The following HBS1L variants were observed in gnomAD, a reference collection of about 807,000 sequenced individuals.
HBS1L encodes the protein HBS1 like translational GTPase, also known as HBS1-like protein.
A neutral mutation model predicts 88.9 loss-of-function variants in HBS1L; 55 were observed. That is an observed-to-expected ratio of 0.62 (90% confidence interval 0.50 to 0.77). HBS1L has a LOEUF of 0.77. Among genes scored for constraint, HBS1L ranks in the 30% least tolerant of loss-of-function variants. HBS1L has a pLI of 0.00. For synonymous variants in HBS1L, 267 were observed against 288.5 expected, an observed-to-expected ratio of 0.93 and a Z score of 0.76; for missense variants, 741 against 829.3, an observed-to-expected ratio of 0.89 and a Z score of 1.31.
intron 4 of HBS1L, among the ~76,000 whole-genome samples, chr6:135,023,483 A>T (rs1236380346): frequency 6.6e-6 from 1 of 152,142 alleles, no homozygotes; most frequent in Non-Finnish European, 1.5e-5. Flanking sequence ...TATGATAATC[A>T]TCACCTGAGA....
At chr6:135,018,023 G>A (rs772671826) in intron 4 of HBS1L, among the ~76,000 whole-genome samples, 3 of 150,978 alleles carry the variant, frequency 2.0e-5, no homozygotes, top group Non-Finnish European at 4.4e-5. Flanking sequence ...TTCCAGGTAC[G>A]TACACTTTTG....
chr6:135,014,270 A>T (rs962083565), intron 4 of HBS1L, among the ~76,000 whole-genome samples: 1 of 152,196 alleles, frequency 6.6e-6, no homozygotes, highest in Non-Finnish European at 1.5e-5. Context: ...TCCATAAAGG[A>T]ACTCTGCTTC....
At position 134,964,181 on chromosome 6, in the gene HBS1L, T is replaced by C. The variant is rs1273638111; in HGVS notation, c.*1098A>G. The C allele has an allele frequency of 1.3e-5, 2 of 151,384 alleles. No homozygotes were observed. Among genetic ancestry groups the C allele is most frequent in the African/African-American group, 4.8e-5 (2 of 41,378 alleles). The allele number at this position is 151,384 out of a possible 1,614,324, so 9.4% of individuals were successfully genotyped here. On this transcript the variant is annotated 3_prime_UTR_variant, in exon 18 of 18. Transcript: ENST00000367837. ...TAAGCCATCGATATACAAATCACGCTGCTAATAAAAAAAAAAGCTTATCAT... is the reference window on the plus strand; with the variant it reads ...TAAGCCATCGATATACAAATCACGCCGCTAATAAAAAAAAAAGCTTATCAT...
At chr6:135,023,167 G>A (rs888212145) in intron 4 of HBS1L, among the ~76,000 whole-genome samples, 29 of 152,052 alleles carry the variant, frequency 1.9e-4, no homozygotes, top group Admixed American at 3.3e-4. Context: ...AAAAGTGGCC[G>A]GGCACACTGG....
At chr6:134,975,514 A>G (rs1774617467) in intron 15 of HBS1L, among the ~76,000 whole-genome samples, 1 of 152,218 alleles carries the variant, frequency 6.6e-6, no homozygotes, top group Admixed American at 6.5e-5. Context: ...ATTATACTAC[A>G]GGCTATAATA....
chr6:134,971,398 G>A (rs144923286), intron 15 of HBS1L, among the ~76,000 whole-genome samples: 1 of 152,220 alleles, frequency 6.6e-6, no homozygotes, highest in African/African-American at 2.4e-5. Flanking sequence ...GATTCACTTC[G>A]CTTAGCCAAG....
At chr6:135,032,871 T>C (rs1776427535) in intron 4 of HBS1L, among the ~76,000 whole-genome samples, 1 of 151,712 alleles carries the variant, frequency 6.6e-6, no homozygotes. Context: ...AAGACAAGTT[T>C]AAGAAAGACA....
rs563941997 is a variant in HBS1L at position 135,047,799 on chromosome 6, G to C, written c.109+2783C>G. On this transcript the variant is annotated intron_variant, in intron 2 of 17. Coordinates refer to ENST00000367837, the MANE Select transcript of HBS1L (RefSeq NM_006620.4). ...TATGCCATGCTCTCTAATGTGCTTA[G>C]AATGTGAGTGATGAGGATAGCACTA... Among the ~76,000 whole-genome samples, 68 of 152,282 alleles carry C rather than the reference G, an allele frequency of 4.5e-4. 1 individual carries two copies. The highest frequency in any genetic ancestry group is 1.5e-3 in the African/African-American group (63 of 41,546).
At chr6:135,034,305 G>GA (rs1307107657) in intron 4 of HBS1L, among the ~76,000 whole-genome samples, 1 of 152,082 alleles carries the variant, frequency 6.6e-6, no homozygotes, top group African/African-American at 2.4e-5. Context: ...AGCTGCCAGA[G>GA]AAAAAATATT....
rs1775212262 is a variant in HBS1L at position 134,993,788 on chromosome 6, GA to G, written c.1052del (p.Phe351SerfsTer5). ...TLMDAPGHKD[F>X]IPNMITGAAQ... is the part of the protein sequence containing the mutation. ...CTGCTCCTGTAATCATATTTGGAAT[GA>G]AGTCCTTATGGCCTGGAGCATCCAT... On this transcript the variant is annotated frameshift_variant, in exon 8 of 18. Coordinates refer to ENST00000367837, the MANE Select transcript of HBS1L (RefSeq NM_006620.4). LOFTEE classifies it high-confidence loss of function. The G allele has an allele frequency of 6.3e-7, 1 of 1,594,796 alleles. No homozygotes were observed. Among genetic ancestry groups the G allele is most frequent in the African/African-American group, 1.3e-5 (1 of 74,678 alleles).
At position 134,965,186 on chromosome 6, in the gene HBS1L, T is replaced by C. The variant is rs529827859; in HGVS notation, c.*93A>G. ...TCTCTCTCATCTAAAAACATATCAA[T>C]TGCACATTGTTCCTTTGACTTAATA... On this transcript the variant is annotated 3_prime_UTR_variant, in exon 18 of 18. Coordinates refer to ENST00000367837, the MANE Select transcript of HBS1L (RefSeq NM_006620.4). 1.5e-4 allele frequency: 151 copies of C among 1,002,224 alleles called. 3 individuals are homozygous for C. The South Asian group carries it at 1.9e-3, about 13-fold the overall frequency. 62.1% of individuals were successfully genotyped at this position (1,002,224 alleles called of 1,614,324 possible).
At chr6:135,001,920 A>T (rs1452048022) in intron 5 of HBS1L, among the ~76,000 whole-genome samples, 19 of 151,580 alleles carry the variant, frequency 1.3e-4, no homozygotes, top group Admixed American at 1.2e-3. Flanking sequence ...TTATATTTTT[A>T]AAAAAATATA....
intron 5 of HBS1L, among the ~76,000 whole-genome samples, chr6:134,998,602 G>T (rs1323234209): frequency 6.6e-6 from 1 of 152,150 alleles, no homozygotes; most frequent in African/African-American, 2.4e-5. Flanking sequence ...CATATAGAAA[G>T]CAATTTATAA....
intron 12 of HBS1L, among the ~76,000 whole-genome samples, chr6:134,984,051 C>T (rs1028526612): frequency 5.3e-5 from 8 of 152,136 alleles, no homozygotes; most frequent in African/African-American, 1.9e-4. Context: ...GAGGAACACA[C>T]TCAGGAGAGC....
intron 2 of HBS1L, among the ~76,000 whole-genome samples, chr6:135,044,453 T>A (rs1776847615): frequency 6.6e-6 from 1 of 152,132 alleles, no homozygotes; most frequent in African/African-American, 2.4e-5. Context: ...ACAACACTGG[T>A]ATAAGGTCAG....
intron 2 of HBS1L, among the ~76,000 whole-genome samples, chr6:135,048,254 C>T (rs547136107): frequency 6.6e-6 from 1 of 152,312 alleles, no homozygotes; most frequent in South Asian, 2.1e-4. Flanking sequence ...CAGTTTCTTC[C>T]AGTAACTGCA....
intron 7 of HBS1L, among the ~76,000 whole-genome samples, 191 bp from the exon 8 acceptor site, chr6:134,994,066 T>A (rs1775221451): frequency 6.6e-6 from 1 of 152,112 alleles, no homozygotes; most frequent in Non-Finnish European, 1.5e-5. Flanking sequence ...ATCCATATGG[T>A]TTTAACATAA....
intron 3 of HBS1L, among the ~76,000 whole-genome samples, chr6:135,040,527 T>C (rs1776702219): frequency 6.6e-6 from 1 of 151,906 alleles, no homozygotes; most frequent in Non-Finnish European, 1.5e-5. Context: ...GATTTTTCTA[T>C]TTTTAGTAGA....
At chr6:135,039,501 TCAAG>T (rs1320556326) in intron 4 of HBS1L, 68 bp downstream of exon 4, 18 of 1,227,420 alleles carry the variant, frequency 1.5e-5, no homozygotes, top group Admixed American at 4.6e-5. Context: ...TCTTAAAAGC[TCAAG>T]CAAACGAAAG....
Sources: gnomAD v4.1 joint callset for allele counts (sites outside exome capture counted in the v4.1 genomes callset) on GRCh38, gnomAD v4.1.1 for gene constraint, MANE v1.5 for transcripts, NCBI Gene and HGNC (gene_info 2026-07-23, HGNC 2026-07-21) for gene names.